Variants in CMSS1 observed in about 807,000 individuals in gnomAD.
The protein encoded by CMSS1 is cms1 ribosomal small subunit homolog, also known as protein CMSS1.
A neutral mutation model predicts 43.5 loss-of-function variants in CMSS1; 33 were observed. The observed-to-expected ratio is 0.76, with a 90% CI of 0.57 to 1.01. The LOEUF (loss-of-function observed/expected upper bound fraction) is 1.01. CMSS1 is among the 50% of genes least tolerant of loss of function. The pLI is 0.00. For missense variants in CMSS1, 313 were observed against 326.4 expected (o/e 0.96, Z 0.32); for synonymous variants, 115 against 117.2 (o/e 0.98, Z 0.12).
At chr3:99,896,604 C>T (rs1706262633) in intron 1 of CMSS1, among the ~76,000 whole-genome samples, 1 of 152,144 alleles carries the variant, frequency 6.6e-6, no homozygotes, top group Non-Finnish European at 1.5e-5. Flanking sequence ...TTAACAACAA[C>T]TATTTTGATG....
chr3:100,119,735 A>G (rs1259188396), intron 1 of CMSS1, among the ~76,000 whole-genome samples: 1 of 152,212 alleles, frequency 6.6e-6, no homozygotes, highest in African/African-American at 2.4e-5. Flanking sequence ...TATTAAACCA[A>G]TTAGTCATTT....
intron 4 of CMSS1, 53 bp downstream of exon 4, chr3:100,162,485 G>A: frequency 6.4e-7 from 1 of 1,572,792 alleles, no homozygotes; most frequent in Non-Finnish European, 8.7e-7. Context: ...ATAAGTATCT[G>A]TTATGGTTAG....
chr3:99,830,828 G>A (rs1942647276), intron 1 of CMSS1, among the ~76,000 whole-genome samples: 1 of 152,190 alleles, frequency 6.6e-6, no homozygotes. Flanking sequence ...AGAGATAGTG[G>A]TAGATACAGA....
At chr3:100,117,854 C>CACATATATATAT in intron 1 of CMSS1, among the ~76,000 whole-genome samples, 1 of 90,752 alleles carries the variant, frequency 1.1e-5, no homozygotes, top group African/African-American at 4.9e-5. Flanking sequence ...TATATATATA[C>CACATATATATAT]ATATATATAT....
At chr3:100,006,450 C>G (rs1016750507) in intron 1 of CMSS1, among the ~76,000 whole-genome samples, 1 of 152,022 alleles carries the variant, frequency 6.6e-6, no homozygotes, top group Non-Finnish European at 1.5e-5. Flanking sequence ...AATTTGGTTC[C>G]TATCTTTCAG....
chr3:99,869,686 C>T (rs1430471124), intron 1 of CMSS1, among the ~76,000 whole-genome samples: 1 of 152,200 alleles, frequency 6.6e-6, no homozygotes, highest in East Asian at 1.9e-4. Context: ...AACAGGCAGA[C>T]ACTTAAGTCT....
chr3:99,848,633 C>T (rs778830328), intron 1 of CMSS1: 1 of 1,614,152 alleles, frequency 6.2e-7, no homozygotes, highest in Non-Finnish European at 8.5e-7. Flanking sequence ...CGTCCCTGCT[C>T]AGGAGAGCTA....
At chr3:100,096,256 C>T (rs1393131107) in intron 1 of CMSS1, among the ~76,000 whole-genome samples, 1 of 152,104 alleles carries the variant, frequency 6.6e-6, no homozygotes, top group Non-Finnish European at 1.5e-5. Flanking sequence ...AATCCCACTA[C>T]TAGGTACATA....
At chr3:99,929,583 T>A (rs1707409224) in intron 1 of CMSS1, among the ~76,000 whole-genome samples, 1 of 152,100 alleles carries the variant, frequency 6.6e-6, no homozygotes, top group Non-Finnish European at 1.5e-5. Flanking sequence ...TGTGTGTGTA[T>A]GTGCCTGCAC....
intron 1 of CMSS1, among the ~76,000 whole-genome samples, chr3:99,889,390 A>G (rs1377645324): frequency 6.6e-6 from 1 of 152,070 alleles, no homozygotes; most frequent in Non-Finnish European, 1.5e-5. Context: ...ACATAGCTAT[A>G]TAATCTTTCT....
At chr3:99,935,425 A>C (rs1401611423) in intron 1 of CMSS1, among the ~76,000 whole-genome samples, 1 of 152,184 alleles carries the variant, frequency 6.6e-6, no homozygotes, top group African/African-American at 2.4e-5. Flanking sequence ...TGACTGTCAT[A>C]ACCCTAGAAC....
At chr3:99,872,599 C>A (rs1051065793) in intron 1 of CMSS1, among the ~76,000 whole-genome samples, 2 of 152,012 alleles carry the variant, frequency 1.3e-5, no homozygotes, top group African/African-American at 4.8e-5. Flanking sequence ...CATCATTCCC[C>A]AAGCTTGTTT....
intron 1 of CMSS1, chr3:100,051,122 A>G (rs375915757): frequency 3.9e-5 from 6 of 152,098 alleles, no homozygotes; most frequent in East Asian, 1.9e-4. Context: ...TTATAAAGAC[A>G]GTTGTTAAGA....
intron 1 of CMSS1, among the ~76,000 whole-genome samples, chr3:100,139,156 A>ACAGGG (rs2066780928): frequency 6.6e-6 from 1 of 152,108 alleles, no homozygotes. Context: ...ACATGTGGAC[A>ACAGGG]CAGGGAGGGG....
At chr3:100,150,053 A>C (rs1038784370) in intron 2 of CMSS1, among the ~76,000 whole-genome samples, 8 of 150,836 alleles carry the variant, frequency 5.3e-5, no homozygotes, top group Admixed American at 3.3e-4. Context: ...AGTCCCTCCA[A>C]CTCCCCTGTG....
chr3:99,856,098 GCTGCT>G (rs71130096), intron 1 of CMSS1, among the ~76,000 whole-genome samples: 75 of 151,348 alleles, frequency 5.0e-4, no homozygotes, highest in South Asian at 2.1e-3. Context: ...TGCTGCTCTT[GCTGCT>G]CTGCTCTGCT....
At chr3:99,869,256 G>C (rs540245327) in intron 1 of CMSS1, among the ~76,000 whole-genome samples, 1 of 152,268 alleles carries the variant, frequency 6.6e-6, no homozygotes, top group South Asian at 2.1e-4. Flanking sequence ...AACTTTGCCT[G>C]TGATTCTTTG....
At chr3:100,103,241 A>G (rs2066338655) in intron 1 of CMSS1, among the ~76,000 whole-genome samples, 1 of 152,244 alleles carries the variant, frequency 6.6e-6, no homozygotes, top group Non-Finnish European at 1.5e-5. Context: ...ACCATGGAGA[A>G]GGCAGCAGCT....
chr3:99,838,075 C>A (rs1454893341), intron 1 of CMSS1, among the ~76,000 whole-genome samples: 1 of 152,220 alleles, frequency 6.6e-6, no homozygotes, highest in African/African-American at 2.4e-5. Context: ...ATATTGATTG[C>A]CTGTCCAAGC....
Sources: gnomAD v4.1 joint callset for allele counts (sites outside exome capture counted in the v4.1 genomes callset) on GRCh38, gnomAD v4.1.1 for gene constraint, MANE v1.5 for transcripts, NCBI Gene and HGNC (gene_info 2026-07-23, HGNC 2026-07-21) for gene names.